AMPD3: variants seen among roughly 807,000 people sequenced by gnomAD.
The protein encoded by AMPD3 is AMP deaminase 3.
Under a neutral mutation model 82.3 loss-of-function variants are expected in AMPD3, and 57 were observed. That is an observed-to-expected ratio of 0.69 (90% CI 0.56 to 0.86). AMPD3 has a LOEUF of 0.86. Among genes scored for constraint, AMPD3 ranks in the 40% least tolerant of loss-of-function variants. AMPD3 has a pLI of 0.00. For synonymous variants in AMPD3, 381 were observed against 394.7 expected, an observed-to-expected ratio of 0.97 and a Z score of 0.41; for missense variants, 870 against 1,003.8, an observed-to-expected ratio of 0.87 and a Z score of 1.80.
At chr11:10,470,170 C>G (rs1848548094) in intron 2 of AMPD3, among the ~76,000 whole-genome samples, 1 of 152,172 alleles carries the variant, frequency 6.6e-6, no homozygotes, top group Non-Finnish European at 1.5e-5. Flanking sequence ...ATATGCAAAT[C>G]AATCAGCGTA....
intron 11 of AMPD3, chr11:10,500,480 C>A: frequency 3.3e-6 from 2 of 603,656 alleles, no homozygotes; most frequent in Non-Finnish European, 4.2e-6. Context: ...AACACACATG[C>A]CAGTACAGAC....
chr11:10,505,355 A>G, intron 14 of AMPD3: 4 of 952,430 alleles, frequency 4.2e-6, no homozygotes, highest in Non-Finnish European at 4.9e-6. Context: ...CTCCCCAGGA[A>G]CATTGTCCTT....
intron 10 of AMPD3, among the ~76,000 whole-genome samples, chr11:10,498,022 A>T (rs1388757982): frequency 6.6e-6 from 1 of 152,230 alleles, no homozygotes; most frequent in Non-Finnish European, 1.5e-5. Context: ...ACACAAGGAA[A>T]TTAAAACAGA....
chr11:10,467,501 A>G (rs1042503400), intron 2 of AMPD3, among the ~76,000 whole-genome samples: 5 of 152,238 alleles, frequency 3.3e-5, no homozygotes, highest in African/African-American at 1.2e-4. Flanking sequence ...AAAGCCTCCA[A>G]GAAATATGGG....
intron 8 of AMPD3, 90 bp downstream of exon 8, chr11:10,495,120 T>G (rs940307727): frequency 2.0e-4 from 324 of 1,610,210 alleles, no homozygotes; most frequent in Non-Finnish European, 2.7e-4. Flanking sequence ...CCCTGGCCCC[T>G]TCCCCTCCCT....
intron 12 of AMPD3, chr11:10,502,405 G>A (rs1025983604): frequency 2.0e-6 from 2 of 985,376 alleles, no homozygotes; most frequent in Admixed American, 6.1e-5. Context: ...GAAAGGAGCT[G>A]AAGGTGTAGG....
At chr11:10,473,410 C>T (rs111559882) in intron 2 of AMPD3, 27 of 985,128 alleles carry the variant, frequency 2.7e-5, no homozygotes, top group African/African-American at 3.5e-5. Flanking sequence ...AAGGGAGAAG[C>T]GAAGGTGAGT....
At chr11:10,469,666 G>A (rs1389656735) in intron 2 of AMPD3, among the ~76,000 whole-genome samples, 2 of 152,170 alleles carry the variant, frequency 1.3e-5, no homozygotes, top group Admixed American at 1.3e-4. Context: ...ATTTTATGAG[G>A]CCAGCATCAT....
chr11:10,456,565 A>C lies in AMPD3; in HGVS notation c.-6+1117A>C. 2.0e-6 allele frequency: 2 copies of C among 985,434 alleles called. No individual in the cohort carries two copies. Among genetic ancestry groups the C allele is most frequent in the South Asian group, 9.4e-5 (2 of 21,288 alleles). The allele number at this position is 985,434 out of a possible 1,614,324, so 61.0% of individuals were successfully genotyped here. ...ACTGGCAGTGTTTTAGAACTTTCTAACTTTGGGACACTTCTTCAAGTTCAT... is the reference window on the plus strand; with the variant it reads ...ACTGGCAGTGTTTTAGAACTTTCTACCTTTGGGACACTTCTTCAAGTTCAT... On this transcript the variant is annotated intron_variant, in intron 1 of 14. Coordinates refer to ENST00000396553, the MANE Select transcript of AMPD3 (RefSeq NM_001025389.2). This position sits in a 1 kb window ranked among gnomAD's most constrained non-coding sequence, Gnocchi z 4.3.
intron 11 of AMPD3, chr11:10,500,799 C>T: frequency 1.0e-6 from 1 of 985,434 alleles, no homozygotes; most frequent in Non-Finnish European, 1.2e-6. Flanking sequence ...CCAATACGCA[C>T]ACAGACGAGG....
intron 5 of AMPD3, among the ~76,000 whole-genome samples, chr11:10,485,673 A>G (rs1404577907): frequency 6.6e-6 from 1 of 152,142 alleles, no homozygotes; most frequent in Non-Finnish European, 1.5e-5. Flanking sequence ...AGCCCAGAGC[A>G]TAACTATTTG....
intron 2 of AMPD3, among the ~76,000 whole-genome samples, chr11:10,474,509 G>T (rs1422955214): frequency 6.6e-6 from 1 of 152,202 alleles, no homozygotes; most frequent in Non-Finnish European, 1.5e-5. Context: ...GCTGGGGAGT[G>T]GAGCAGAGTA....
Position 10,478,646 on chromosome 11 carries a change from T to A in AMPD3, c.342T>A (p.Thr114=). 3.1e-6 allele frequency: 5 copies of A among 1,614,238 alleles called. No homozygotes were observed. Among genetic ancestry groups the A allele is most frequent in the Non-Finnish European group, 4.2e-6 (5 of 1,180,020 alleles). The change falls in exon 3 of 15, where the codon ACT becomes ACA. Residue 114 remains threonine (T), a synonymous_variant. Transcript: ENST00000396553. Reference sequence around the variant, plus strand: ...TGTCTCCCACAACCCCTGTGGTCACTGGAGCCACTTCCCTGCCCACGCCAG... The same window carrying A: ...TGTCTCCCACAACCCCTGTGGTCACAGGAGCCACTTCCCTGCCCACGCCAG... ...PAMSPTTPVV[T]GATSLPTPAP...
intron 6 of AMPD3, among the ~76,000 whole-genome samples, chr11:10,492,055 GCTGA>G (rs1339129658): frequency 7.2e-5 from 11 of 152,180 alleles, no homozygotes; most frequent in African/African-American, 2.7e-4. Flanking sequence ...GTGAGGATGA[GCTGA>G]CTAAGGAGGC....
intron 2 of AMPD3, chr11:10,473,524 G>A (rs989596319): frequency 2.2e-5 from 22 of 985,202 alleles, no homozygotes; most frequent in South Asian, 9.4e-5. Context: ...GAGAGACAGA[G>A]GGTGGGGCTG....
At chr11:10,493,787 A>G (rs1297661160) in intron 7 of AMPD3, 5 of 583,530 alleles carry the variant, frequency 8.6e-6, no homozygotes, top group Non-Finnish European at 1.5e-5. Flanking sequence ...CCTGCCACTT[A>G]GGAGTTTTGT....
upstream of AMPD3, among the ~76,000 whole-genome samples, chr11:10,451,375 G>A (rs1847958528): frequency 6.6e-6 from 1 of 152,260 alleles, no homozygotes; most frequent in African/African-American, 2.4e-5. Context: ...AGGTGCTTGA[G>A]GACTGGCTGG....
chr11:10,505,454 CCT>C, intron 14 of AMPD3: 1 of 985,306 alleles, frequency 1.0e-6, no homozygotes, highest in Non-Finnish European at 1.2e-6. Flanking sequence ...CCTTATCTTT[CCT>C]CTCTGATCAA....
At chr11:10,479,869 A>C (rs1848850808) in intron 3 of AMPD3, 1 of 983,620 alleles carries the variant, frequency 1.0e-6, no homozygotes, top group African/African-American at 1.7e-5. Flanking sequence ...ATTTTAATTA[A>C]GTTCCCATGG....
Sources: allele counts gnomAD v4.1 joint callset (sites outside exome capture counted in the v4.1 genomes callset), GRCh38; gene constraint gnomAD v4.1.1; non-coding constraint Gnocchi (gnomAD v3.1); transcripts MANE v1.5; gene names NCBI Gene and HGNC (gene_info 2026-07-23, HGNC 2026-07-21).